Variants in TBL1X observed in about 807,000 individuals in gnomAD.
TBL1X encodes the protein F-box-like/WD repeat-containing protein TBL1X.
Under a neutral mutation model 50.7 loss-of-function variants are expected in TBL1X, and 10 were observed. That is an observed-to-expected ratio of 0.20 (90% CI 0.12 to 0.33). TBL1X has a LOEUF of 0.33. Ranked by LOEUF, TBL1X falls within the 10% of genes least tolerant of loss-of-function variation. TBL1X has a pLI of 1.00. For synonymous variants in TBL1X, 190 were observed against 214.7 expected (o/e 0.88, Z 1.01); for missense variants, 340 against 504.4 (o/e 0.67, Z 3.12).
At position 9,677,119 on chromosome X, in the gene TBL1X, A is replaced by G. The variant is rs1039035024; in HGVS notation, c.212-6924A>G. Among the ~76,000 whole-genome samples the G allele has an allele frequency of 6.3e-5, 7 of 110,442 alleles. No homozygotes were observed. In the East Asian group the frequency reaches 2.0e-3, roughly 31 times the overall value. ...CTTCCTCATCCTTGGCCTCTCTCGC[A>G]TCTTTATTTTTATCACACCCTCCCC... On this transcript the variant is annotated intron_variant, in intron 5 of 17. Coordinates refer to ENST00000645353, the MANE Select transcript of TBL1X (RefSeq NM_005647.4).
intron 12 of TBL1X, among the ~76,000 whole-genome samples, chrX:9,697,776 C>G (rs1469745780): frequency 9.0e-6 from 1 of 111,530 alleles, no homozygotes; most frequent in Non-Finnish European, 1.9e-5. Flanking sequence ...GTCTCAAAAA[C>G]TACTAATAAT....
At chrX:9,693,716 A>G (rs755914731) in intron 11 of TBL1X, among the ~76,000 whole-genome samples, 53 of 111,640 alleles carry the variant, frequency 4.7e-4, no homozygotes, top group African/African-American at 1.4e-3. Context: ...CAGTTGCTGG[A>G]AGGAGCCACG....
At chrX:9,635,401 G>A (rs1238631317) in intron 2 of TBL1X, among the ~76,000 whole-genome samples, 3 of 109,783 alleles carry the variant, frequency 2.7e-5, no homozygotes, top group African/African-American at 1.0e-4. Flanking sequence ...GGGATTAAAT[G>A]TGTAATCCAT....
intron 2 of TBL1X, among the ~76,000 whole-genome samples, chrX:9,553,732 C>G (rs1382678198): frequency 9.0e-6 from 1 of 111,244 alleles, no homozygotes; most frequent in Non-Finnish European, 1.9e-5. Context: ...GCATAAATGA[C>G]CAAAGTTGAC....
At chrX:9,499,056 T>C (rs1464293092) in intron 1 of TBL1X, among the ~76,000 whole-genome samples, 1 of 111,726 alleles carries the variant, frequency 9.0e-6, no homozygotes, top group Non-Finnish European at 1.9e-5. Flanking sequence ...GAGCAGCCCC[T>C]GTGGAGGCGC....
At chrX:9,675,893 A>C (rs1054532884) in intron 5 of TBL1X, among the ~76,000 whole-genome samples, 4 of 104,353 alleles carry the variant, frequency 3.8e-5, no homozygotes, top group African/African-American at 1.4e-4. Context: ...CTCTGTCTCA[A>C]AAAAAAAAAA....
intron 5 of TBL1X, among the ~76,000 whole-genome samples, chrX:9,675,670 C>A (rs2082989385): frequency 9.0e-6 from 1 of 111,351 alleles, no homozygotes; most frequent in Non-Finnish European, 1.9e-5. Context: ...AGGTGGATCA[C>A]CTGAGGTCAG....
chrX:9,555,578 G>A (rs1351385090), intron 2 of TBL1X, among the ~76,000 whole-genome samples: 4 of 111,218 alleles, frequency 3.6e-5, no homozygotes, highest in African/African-American at 1.3e-4. Flanking sequence ...GAGTTGCTGA[G>A]TCATATGGCA....
intron 2 of TBL1X, among the ~76,000 whole-genome samples, chrX:9,629,080 CA>C (rs1230688730): frequency 8.9e-6 from 1 of 112,321 alleles, no homozygotes; most frequent in East Asian, 2.8e-4. Flanking sequence ...TCTTCTTCTG[CA>C]TGTTAGTTGT....
intron 1 of TBL1X, among the ~76,000 whole-genome samples, chrX:9,490,215 C>G (rs1274698407): frequency 9.0e-6 from 1 of 111,520 alleles, no homozygotes; most frequent in Non-Finnish European, 1.9e-5. Context: ...AAGCAGTCCT[C>G]CCACCTCGGC....
At chrX:9,563,980 G>A (rs1349205443) in intron 2 of TBL1X, among the ~76,000 whole-genome samples, 1 of 112,685 alleles carries the variant, frequency 8.9e-6, no homozygotes, top group East Asian at 2.8e-4. Flanking sequence ...AGAGTCACAC[G>A]AAGGATCTTG....
chrX:9,546,408 G>A (rs2082242430), intron 2 of TBL1X, among the ~76,000 whole-genome samples: 1 of 111,609 alleles, frequency 9.0e-6, no homozygotes, highest in African/African-American at 3.3e-5. Flanking sequence ...CAGCTACTGG[G>A]GAGGCTAAGG....
At chrX:9,480,248 C>T (rs1301016480) in intron 1 of TBL1X, among the ~76,000 whole-genome samples, 1 of 111,992 alleles carries the variant, frequency 8.9e-6, no homozygotes, top group Non-Finnish European at 1.9e-5. Context: ...GCCACTGCAC[C>T]TGGCGGGAAA....
At chrX:9,472,580 C>G (rs1444691406) in intron 1 of TBL1X, among the ~76,000 whole-genome samples, 2 of 110,107 alleles carry the variant, frequency 1.8e-5, no homozygotes, top group Non-Finnish European at 3.8e-5. Context: ...TTGTGAGCTA[C>G]TGTTCCTGGC....
chrX:9,604,559 A>G (rs2082573365), intron 2 of TBL1X, among the ~76,000 whole-genome samples: 1 of 111,187 alleles, frequency 9.0e-6, no homozygotes, highest in African/African-American at 3.3e-5. Context: ...GTAGGGAGAC[A>G]TCTCTGATGT....
intron 2 of TBL1X, among the ~76,000 whole-genome samples, chrX:9,536,040 C>T (rs774438737): frequency 5.4e-5 from 6 of 111,834 alleles, no homozygotes; most frequent in Non-Finnish European, 9.4e-5. Flanking sequence ...TAGAAGCACA[C>T]GGTTGTGCTG....
At chrX:9,604,858 T>C (rs1333839047) in intron 2 of TBL1X, among the ~76,000 whole-genome samples, 1 of 110,882 alleles carries the variant, frequency 9.0e-6, no homozygotes. Context: ...CCTTGGATTT[T>C]CTGTGTTTGG....
chrX:9,518,944 C>G (rs2082094027), intron 2 of TBL1X, among the ~76,000 whole-genome samples: 1 of 110,803 alleles, frequency 9.0e-6, no homozygotes, highest in African/African-American at 3.3e-5. Context: ...ACATGGACAG[C>G]CTTCTGCTCC....
At chrX:9,678,702 A>AT (rs2083008399) in intron 5 of TBL1X, among the ~76,000 whole-genome samples, 1 of 112,812 alleles carries the variant, frequency 8.9e-6, no homozygotes, top group African/African-American at 3.2e-5. Context: ...CCAGTGATTG[A>AT]TAACTTAGCA....
Sources: allele counts gnomAD v4.1 joint callset (sites outside exome capture counted in the v4.1 genomes callset), GRCh38; gene constraint gnomAD v4.1.1; transcripts MANE v1.5; gene names NCBI Gene and HGNC (gene_info 2026-07-23, HGNC 2026-07-21).